Variants in ADARB2 observed in about 807,000 individuals in gnomAD.
ADARB2 encodes the protein inactive double-stranded RNA-specific editase B2.
Under a neutral mutation model 62.2 loss-of-function variants are expected in ADARB2, and 25 were observed. That is an observed-to-expected ratio of 0.40 (90% confidence interval 0.29 to 0.56). The LOEUF is 0.56. Among genes scored for constraint, ADARB2 ranks in the 20% least tolerant of loss-of-function variants. ADARB2 has a pLI of 0.43. For missense variants in ADARB2, 1,071 were observed against 1,077.4 expected, an observed-to-expected ratio of 0.99 and a Z score of 0.08; for synonymous variants, 572 against 500.8, an observed-to-expected ratio of 1.14 and a Z score of -1.90.
At chr10:1,337,976 C>T (rs56079298) in intron 3 of ADARB2, among the ~76,000 whole-genome samples, 20,831 of 152,214 alleles carry the variant, frequency 0.14, 1,710 homozygotes, top group South Asian at 0.22. Context: ...GGGACTGACA[C>T]GTGCTTCTCA....
intron 1 of ADARB2, among the ~76,000 whole-genome samples, chr10:1,590,779 G>T (rs1054237594): frequency 6.6e-6 from 1 of 152,146 alleles, no homozygotes; most frequent in African/African-American, 2.4e-5. Context: ...TGAGGTGGAC[G>T]GTGGACGGTT....
intron 1 of ADARB2, among the ~76,000 whole-genome samples, chr10:1,510,867 C>T (rs1831928094): frequency 1.3e-5 from 2 of 151,782 alleles, no homozygotes; most frequent in Admixed American, 6.5e-5. Context: ...CTCTCTGTCT[C>T]TCTCTCTTTC....
intron 1 of ADARB2, among the ~76,000 whole-genome samples, chr10:1,527,707 A>G (rs368866863): frequency 6.6e-6 from 1 of 152,214 alleles, no homozygotes; most frequent in Non-Finnish European, 1.5e-5. Flanking sequence ...CGGGGGTCAG[A>G]TAGTCTATCA....
chr10:1,729,691 A>G (rs796179730), intron 1 of ADARB2, among the ~76,000 whole-genome samples: 4 of 152,284 alleles, frequency 2.6e-5, no homozygotes, highest in African/African-American at 7.2e-5. Context: ...CTCTCCTGCT[A>G]TGGGTCTCAA....
chr10:1,476,701 C>T (rs1334463157), intron 1 of ADARB2, among the ~76,000 whole-genome samples: 1 of 152,198 alleles, frequency 6.6e-6, no homozygotes, highest in Non-Finnish European at 1.5e-5. Flanking sequence ...GCCTCACGAA[C>T]TCTGATTTGC....
intron 7 of ADARB2, among the ~76,000 whole-genome samples, chr10:1,201,971 T>C (rs1564218534): frequency 6.6e-6 from 1 of 152,156 alleles, no homozygotes; most frequent in Non-Finnish European, 1.5e-5. Context: ...GGATCTTGGA[T>C]GGTGGCTCTT....
chr10:1,702,002 T>C (rs1834828351), intron 1 of ADARB2, among the ~76,000 whole-genome samples: 1 of 152,206 alleles, frequency 6.6e-6, no homozygotes, highest in Non-Finnish European at 1.5e-5. Context: ...CTGTGAAATT[T>C]AAAGAAAGAC....
Position 1,217,727 on chromosome 10 carries a change from A to G in ADARB2, c.1514-608T>C, listed in dbSNP as rs79891612. Among the ~76,000 whole-genome samples, 240 of 152,276 alleles carry G rather than the reference A, an allele frequency of 1.6e-3. 1 individual carries two copies. Among genetic ancestry groups the G allele is most frequent in the African/African-American group, 4.8e-3 (199 of 41,554 alleles). The stretch of plus-strand genomic sequence containing the variant: ...GGTTACTTCCTCTAATGACGAGGGT[A>G]ATAGCAGTGCTTGCCGCCCAGGCTG... On this transcript the variant is annotated intron_variant, in intron 6 of 9. Coordinates refer to ENST00000381312, the MANE Select transcript of ADARB2 (RefSeq NM_018702.4).
intron 1 of ADARB2, among the ~76,000 whole-genome samples, chr10:1,624,026 A>T (rs2132028418): frequency 6.6e-6 from 1 of 152,234 alleles, no homozygotes; most frequent in South Asian, 2.1e-4. Flanking sequence ...TAAGCCCAAG[A>T]GTTTGAGACC....
intron 1 of ADARB2, among the ~76,000 whole-genome samples, chr10:1,391,370 C>T (rs1832569172): frequency 1.3e-5 from 2 of 152,212 alleles, no homozygotes; most frequent in African/African-American, 4.8e-5. Context: ...GCCCATCAGA[C>T]ACCTGATCTT....
intron 1 of ADARB2, among the ~76,000 whole-genome samples, chr10:1,409,422 C>G (rs1391196883): frequency 6.6e-6 from 1 of 152,182 alleles, no homozygotes; most frequent in African/African-American, 2.4e-5. Context: ...ATCGCTGTGG[C>G]AACGGATTCT....
At chr10:1,453,078 G>C (rs369670212) in intron 1 of ADARB2, among the ~76,000 whole-genome samples, 2 of 152,166 alleles carry the variant, frequency 1.3e-5, no homozygotes, top group African/African-American at 2.4e-5. Context: ...GTGACGCCTA[G>C]TCCCTTACCT....
At chr10:1,573,920 C>T (rs1347245459) in intron 1 of ADARB2, among the ~76,000 whole-genome samples, 5 of 152,340 alleles carry the variant, frequency 3.3e-5, no homozygotes, top group African/African-American at 9.6e-5. Flanking sequence ...ACACAAGACA[C>T]GTCCTGCTAA....
chr10:1,675,284 A>G (rs1470190597), intron 1 of ADARB2: 2 of 945,080 alleles, frequency 2.1e-6, no homozygotes, highest in Non-Finnish European at 2.5e-6. Flanking sequence ...GGGTTCAGGG[A>G]TGCATGGATG....
At position 1,363,931 on chromosome 10, in the gene ADARB2, C is replaced by T. The variant is rs779854718; in HGVS notation, c.188-14G>A. On this transcript the variant is annotated splice_polypyrimidine_tract_variant and intron_variant, in intron 2 of 9. Transcript: ENST00000381312. ...CGCTGCTGGTACCTGGAGGGGAGAA[C>T]AGACCAGTCAGGAGCCTGGGCGGGC... 5.5e-6 allele frequency: 8 copies of T among 1,443,758 alleles called. No homozygotes were observed. In the South Asian group the frequency reaches 7.4e-5, roughly 13 times the overall value. The allele number at this position is 1,443,758 out of a possible 1,614,324, so 89.4% of individuals were successfully genotyped here.
intron 3 of ADARB2, among the ~76,000 whole-genome samples, chr10:1,274,637 T>C (rs140700816): frequency 5.3e-4 from 80 of 152,246 alleles, no homozygotes; most frequent in Non-Finnish European, 8.8e-4. Context: ...TGTGGAAACC[T>C]AGGGAGTGCT....
rs1462401459 is a variant in ADARB2 at position 1,477,045 on chromosome 10, C to T, written c.101-97885G>A. On this transcript the variant is annotated intron_variant, in intron 1 of 9. Transcript: ENST00000381312. The surrounding 1 kb of genome is among the most constrained non-coding windows in gnomAD (Gnocchi z 4.5). ...TGACTCTCCCCAGATCCCCACCTGG[C>T]CTACGATCCAACCCCTAGAGCACCT... 1.3e-5 allele frequency among the ~76,000 whole-genome samples: 2 copies of T among 152,262 alleles called. No homozygotes were observed. Among genetic ancestry groups the T allele is most frequent in the African/African-American group, 4.8e-5 (2 of 41,558 alleles).
chr10:1,209,828 A>C (rs1161122864), intron 7 of ADARB2, among the ~76,000 whole-genome samples: 1 of 152,256 alleles, frequency 6.6e-6, no homozygotes, highest in Non-Finnish European at 1.5e-5. Context: ...CCAGAAGCCC[A>C]CACAGAGGAC....
At chr10:1,297,522 T>C (rs753670999) in intron 3 of ADARB2, among the ~76,000 whole-genome samples, 6 of 152,168 alleles carry the variant, frequency 3.9e-5, no homozygotes, top group Non-Finnish European at 7.3e-5. Context: ...CACTGGCCGT[T>C]CAGACCCCGA....
Sources: gnomAD v4.1 joint callset for allele counts (sites outside exome capture counted in the v4.1 genomes callset) on GRCh38, gnomAD v4.1.1 for gene constraint, Gnocchi (gnomAD v3.1) non-coding constraint, MANE v1.5 for transcripts, NCBI Gene and HGNC (gene_info 2026-07-23, HGNC 2026-07-21) for gene names.